ISM1: variants seen among roughly 807,000 people sequenced by gnomAD.
The protein encoded by ISM1 is isthmin 1.
Under a neutral mutation model 46.3 loss-of-function variants are expected in ISM1, and 25 were observed. The observed-to-expected ratio is 0.54, with a 90% CI of 0.39 to 0.75. ISM1 has a LOEUF of 0.75. Ranked by LOEUF, ISM1 falls within the 30% of genes least tolerant of loss-of-function variation. The probability of loss-of-function intolerance (pLI) is 0.00; values close to 1 mark genes in which losing one functional copy is unlikely to be tolerated. For synonymous variants in ISM1, 255 were observed against 256.7 expected (o/e 0.99, Z 0.06); for missense variants, 536 against 625.4 (o/e 0.86, Z 1.52).
the ISM1 span, among the ~76,000 whole-genome samples, chr20:13,312,478 C>G: frequency 6.6e-6 from 1 of 152,190 alleles, no homozygotes; most frequent in African/African-American, 2.4e-5. Context: ...CCCTTCCTCT[C>G]CCTCATGCAC....
At chr20:13,228,334 A>C (rs2039551996) in intron 1 of ISM1, among the ~76,000 whole-genome samples, 1 of 151,778 alleles carries the variant, frequency 6.6e-6, no homozygotes. Flanking sequence ...AGTTTCAAAA[A>C]TTTTTTCAGA....
intron 1 of ISM1, among the ~76,000 whole-genome samples, chr20:13,261,726 A>G (rs2039991744): frequency 6.6e-6 from 1 of 152,200 alleles, no homozygotes; most frequent in South Asian, 2.1e-4. Flanking sequence ...CAGAGAGATT[A>G]GCAATAGGTT....
the ISM1 span, among the ~76,000 whole-genome samples, chr20:13,319,892 G>A: frequency 6.6e-6 from 1 of 152,196 alleles, no homozygotes; most frequent in Admixed American, 6.5e-5. Context: ...CTCAGGTCCT[G>A]CAGAGATTGT....
intron 1 of ISM1, among the ~76,000 whole-genome samples, chr20:13,222,947 C>G (rs1397642543): frequency 1.3e-5 from 2 of 152,050 alleles, no homozygotes; most frequent in African/African-American, 4.8e-5. Context: ...TGGATCACCT[C>G]AGGCCAGGTG....
intron 1 of ISM1, among the ~76,000 whole-genome samples, chr20:13,245,633 A>G (rs777665385): frequency 1.3e-5 from 2 of 151,902 alleles, no homozygotes; most frequent in Non-Finnish European, 2.9e-5. Context: ...TCCCCTGCAC[A>G]CTCTAGTGTA....
At chr20:13,287,489 C>T (rs1306665590) in intron 3 of ISM1, among the ~76,000 whole-genome samples, 3 of 152,150 alleles carry the variant, frequency 2.0e-5, no homozygotes, top group Non-Finnish European at 4.4e-5. Flanking sequence ...AGGGTACCAC[C>T]CTCTCCCACA....
chr20:13,247,891 C>G (rs556669362), intron 1 of ISM1, among the ~76,000 whole-genome samples: 1 of 152,286 alleles, frequency 6.6e-6, no homozygotes, highest in East Asian at 1.9e-4. Flanking sequence ...ACAAAATCCT[C>G]TAACCACAGT....
the ISM1 span, among the ~76,000 whole-genome samples, chr20:13,307,776 T>A: frequency 6.6e-6 from 1 of 152,264 alleles, no homozygotes; most frequent in Non-Finnish European, 1.5e-5. Flanking sequence ...AGGTCATTCA[T>A]GCTTATCACA....
chr20:13,233,925 T>C (rs115053566), intron 1 of ISM1, among the ~76,000 whole-genome samples: 5,408 of 152,232 alleles, frequency 0.036, 273 homozygotes, highest in African/African-American at 0.11. Flanking sequence ...AAATAAGAGT[T>C]TTAAGCCATG....
intron 5 of ISM1, among the ~76,000 whole-genome samples, 153 bp downstream of exon 5, chr20:13,292,616 C>T (rs1237435950): frequency 2.0e-5 from 3 of 152,156 alleles, no homozygotes; most frequent in Non-Finnish European, 4.4e-5. Context: ...GCTGAATATA[C>T]TTCAAGCAAG....
At chr20:13,250,671 G>T (rs931433252) in intron 1 of ISM1, among the ~76,000 whole-genome samples, 1 of 152,194 alleles carries the variant, frequency 6.6e-6, no homozygotes, top group Admixed American at 6.5e-5. Context: ...GCTGTGGATT[G>T]TAAGCTCCAT....
the ISM1 span, among the ~76,000 whole-genome samples, chr20:13,313,004 C>A: frequency 2.6e-5 from 4 of 152,158 alleles, no homozygotes; most frequent in East Asian, 7.7e-4. Flanking sequence ...TGAGCCTCAT[C>A]TGCGCATCTT....
intron 3 of ISM1, among the ~76,000 whole-genome samples, chr20:13,283,767 C>T (rs2040262516): frequency 6.6e-6 from 1 of 152,182 alleles, no homozygotes; most frequent in African/African-American, 2.4e-5. Flanking sequence ...AATGAAATTA[C>T]ATAGGTACTG....
chr20:13,311,258 T>TAGATAGATGATAGAA, the ISM1 span, among the ~76,000 whole-genome samples: 1 of 118,632 alleles, frequency 8.4e-6, no homozygotes, highest in African/African-American at 3.1e-5. Context: ...GATAGATAGA[T>TAGATAGATGATAGAA]AGATAGATAG....
At chr20:13,309,062 A>C in the ISM1 span, among the ~76,000 whole-genome samples, 1 of 152,214 alleles carries the variant, frequency 6.6e-6, no homozygotes, top group Admixed American at 6.5e-5. Flanking sequence ...TTGTTGTATC[A>C]GCCTGAACTG....
At chr20:13,272,218 A>T (rs1372406049) in intron 2 of ISM1, among the ~76,000 whole-genome samples, 1 of 152,188 alleles carries the variant, frequency 6.6e-6, no homozygotes, top group Non-Finnish European at 1.5e-5. Flanking sequence ...TTGATCCTTC[A>T]TTAACTGCCT....
intron 1 of ISM1, among the ~76,000 whole-genome samples, chr20:13,262,449 G>T (rs1472144158): frequency 1.3e-5 from 2 of 151,664 alleles, no homozygotes; most frequent in African/African-American, 4.8e-5. Flanking sequence ...TGTGTGAAGG[G>T]TTTGTTTTTC....
intron 2 of ISM1, among the ~76,000 whole-genome samples, chr20:13,278,382 G>A (rs937466044): frequency 6.6e-6 from 1 of 152,188 alleles, no homozygotes; most frequent in African/African-American, 2.4e-5. Context: ...AGTGAAAATT[G>A]TAGCTGGGAA....
the ISM1 span, among the ~76,000 whole-genome samples, chr20:13,314,599 G>A: frequency 2.0e-5 from 3 of 152,028 alleles, no homozygotes. Flanking sequence ...TTTGTTACCA[G>A]TAGAAGTGCC....
Sources: allele counts gnomAD v4.1 joint callset (sites outside exome capture counted in the v4.1 genomes callset), GRCh38; gene constraint gnomAD v4.1.1; transcripts MANE v1.5; gene names NCBI Gene and HGNC (gene_info 2026-07-23, HGNC 2026-07-21).